NWD1: variants seen among roughly 807,000 people sequenced by gnomAD.
NWD1 encodes NACHT domain- and WD repeat-containing protein 1.
In NWD1, 129 loss-of-function variants were observed where a neutral mutation model predicts 135.1. The ratio of observed to expected loss-of-function variants is 0.96; its 90% CI spans 0.83 to 1.11. The LOEUF is 1.11. Among genes scored for constraint, NWD1 ranks in the 50% least tolerant of loss-of-function variants. NWD1 has a pLI of 0.00. For synonymous variants in NWD1, 773 were observed against 786.0 expected (o/e 0.98, Z 0.28); for missense variants, 1,740 against 1,851.3 (o/e 0.94, Z 1.10).
Position 16,744,595 on chromosome 19 carries a change from G to C in NWD1, c.373G>C (p.Gly125Arg). The C allele has an allele frequency of 6.5e-7, 1 of 1,535,012 alleles. No individual in the cohort carries two copies. The change falls in exon 5 of 19, where the codon GGT becomes CGT. Residue 125 changes from glycine (G) to arginine (R), a missense_variant. Physicochemically the swap from Gly to Arg is moderately radical, Grantham distance 125. Coordinates refer to ENST00000524140, the MANE Select transcript of NWD1 (RefSeq NM_001007525.5). ...TCCCACCTACGTCCTGCAGGCACCA[G>C]GTACTGGGGAGGCCTGTGAACCAGA... Reference protein sequence around the residue: ...FPPTYVLQAPGTGEACEPEEA... With the variant: ...FPPTYVLQAPRTGEACEPEEA...
intron 15 of NWD1, among the ~76,000 whole-genome samples, chr19:16,796,209 C>G (rs1970412687): frequency 6.6e-6 from 1 of 151,990 alleles, no homozygotes; most frequent in African/African-American, 2.4e-5. Context: ...CTTTGGGAGG[C>G]CAAGGTGGGC....
intron 3 of NWD1, among the ~76,000 whole-genome samples, chr19:16,734,010 T>A (rs1179485788): frequency 2.0e-5 from 3 of 152,086 alleles, no homozygotes. Flanking sequence ...GTTGTCTTTG[T>A]CTCCCTGTCA....
At chr19:16,765,249 A>G in intron 10 of NWD1, 57 bp downstream of exon 10, 2 of 1,505,824 alleles carry the variant, frequency 1.3e-6, no homozygotes, top group Non-Finnish European at 1.8e-6. Flanking sequence ...TTCTAGAAAC[A>G]TGCTCTCCTC....
chr19:16,809,750 G>A (rs1970866412), intron 18 of NWD1, among the ~76,000 whole-genome samples: 2 of 151,294 alleles, frequency 1.3e-5, no homozygotes, highest in Admixed American at 6.6e-5. Flanking sequence ...GTAGAGATGG[G>A]GTTTCACCGT....
chr19:16,802,532 T>A (rs1427976430), intron 17 of NWD1, among the ~76,000 whole-genome samples: 1 of 148,278 alleles, frequency 6.7e-6, no homozygotes, highest in Non-Finnish European at 1.5e-5. Context: ...CCGTATGACC[T>A]CTGCACACCC....
intron 7 of NWD1, among the ~76,000 whole-genome samples, chr19:16,759,767 G>A (rs1968937183): frequency 6.6e-6 from 1 of 152,114 alleles, no homozygotes; most frequent in Non-Finnish European, 1.5e-5. Context: ...GGCTGAGGTG[G>A]CGGATCACCT....
chr19:16,785,584 A>G (rs1455968420), intron 12 of NWD1, among the ~76,000 whole-genome samples: 1 of 151,126 alleles, frequency 6.6e-6, no homozygotes, highest in Non-Finnish European at 1.5e-5. Flanking sequence ...AAAAAAGAGG[A>G]TGACTGTTTT....
At chr19:16,724,583 C>T (rs778784510) in intron 2 of NWD1, 120 bp downstream of exon 2, 4 of 152,150 alleles carry the variant, frequency 2.6e-5, no homozygotes, top group Non-Finnish European at 4.4e-5. Context: ...CGTGGGGCCT[C>T]ACACCTGTAA....
intron 4 of NWD1, among the ~76,000 whole-genome samples, chr19:16,743,466 C>G (rs984703452): frequency 5.3e-5 from 8 of 151,998 alleles, no homozygotes; most frequent in African/African-American, 1.9e-4. Context: ...CCTTGGCCTC[C>G]CAAAGTGTTG....
chr19:16,730,332 T>C (rs577442476), intron 2 of NWD1, among the ~76,000 whole-genome samples: 124 of 150,516 alleles, frequency 8.2e-4, no homozygotes, highest in African/African-American at 2.9e-3. Flanking sequence ...AAAAACAAAC[T>C]AACAAAAAAA....
rs1350064434 is a variant in NWD1 at position 16,749,774 on chromosome 19, A to C, written c.1132A>C (p.Met378Leu). The change falls in exon 6 of 19, where the codon ATG becomes CTG. Residue 378 changes from methionine (M) to leucine (L), a missense_variant. Transcript: ENST00000524140. ...TVLRLLGTSQ[M>L]SSDARGLLKS... ...CCTGCGGCTGCTGGGGACGTCACAA[A>C]TGAGCTCAGATGCCCGTGGCCTGCT... 1 of 1,606,658 alleles carries C rather than the reference A, an allele frequency of 6.2e-7. No individual in the cohort carries two copies. The highest frequency in any genetic ancestry group is 8.5e-7 in the Non-Finnish European group (1 of 1,175,974).
At position 16,783,384 on chromosome 19, in the gene NWD1, C is replaced by G. The variant is rs1385452241; in HGVS notation, c.2731+3919C>G. On this transcript the variant is annotated intron_variant, in intron 12 of 18. Transcript: ENST00000524140. ...GAACGGTGGCTCATGCCTGTAATCC[C>G]AGCACTTTGGGAGGCCGAGGTGGGT... 5.3e-5 allele frequency among the ~76,000 whole-genome samples: 8 copies of G among 152,060 alleles called. No homozygotes were observed. The South Asian group carries it at 6.2e-4, about 12-fold the overall frequency.
intron 2 of NWD1, chr19:16,727,734 G>T (rs1811534947): frequency 6.5e-6 from 1 of 153,240 alleles, no homozygotes; most frequent in Admixed American, 6.5e-5. Flanking sequence ...GCGGTGTCAG[G>T]GCAATGGGCA....
At chr19:16,792,379 T>C (rs962576066) in intron 14 of NWD1, among the ~76,000 whole-genome samples, 5 of 151,690 alleles carry the variant, frequency 3.3e-5, no homozygotes, top group African/African-American at 9.7e-5. Flanking sequence ...CTGTCTTTAC[T>C]AAAAGTACAA....
chr19:16,742,199 AC>A (rs957392239), intron 4 of NWD1, among the ~76,000 whole-genome samples: 1 of 151,826 alleles, frequency 6.6e-6, no homozygotes, highest in Non-Finnish European at 1.5e-5. Flanking sequence ...ACATGGCGAA[AC>A]CCTGTCTCTA....
Position 16,749,367 on chromosome 19 carries a change from A to G in NWD1, c.725A>G (p.His242Arg). 1 of 1,613,584 alleles carries G rather than the reference A, an allele frequency of 6.2e-7. No homozygotes were observed. Among genetic ancestry groups the G allele is most frequent in the Non-Finnish European group, 8.5e-7 (1 of 1,179,724 alleles). ...ATGCACCCAGGGGTCCTCAAGACCC[A>G]CCGCCTGCCGTGGAGCCGCGACTTG... ...TDMHPGVLKT[H>R]RLPWSRDLVN... Residue 242 changes from histidine (H) to arginine (R), a missense_variant, in exon 6 of 19, where the codon CAC becomes CGC. Transcript: ENST00000524140.
At chr19:16,733,668 G>A (rs1243688886) in intron 3 of NWD1, among the ~76,000 whole-genome samples, 3 of 152,148 alleles carry the variant, frequency 2.0e-5, no homozygotes, top group African/African-American at 7.2e-5. Context: ...ATGAGACATA[G>A]TTCAATGTCA....
In NWD1 at chr19:16,731,189, C is replaced by G. The variant is rs1438155836; in HGVS notation, c.-6-3C>G. The G allele has an allele frequency of 4.0e-6, 6 of 1,510,028 alleles. No homozygotes were observed. Among genetic ancestry groups the G allele is most frequent in the Non-Finnish European group, 4.5e-6 (5 of 1,123,294 alleles). 93.5% of individuals were successfully genotyped at this position (1,510,028 alleles called of 1,614,324 possible). A position where few individuals can be genotyped will look rare whatever the true frequency, so the allele number is the denominator to read the frequency against. On this transcript the variant is annotated splice_region_variant and splice_polypyrimidine_tract_variant and intron_variant, in intron 2 of 18. Transcript: ENST00000524140. ...CTAATACCCTCCATGCCCTTCCTTG[C>G]AGATATGGATGCAGAGAGGGAAGCC...
At chr19:16,770,421 C>A (rs558574850) in intron 10 of NWD1, among the ~76,000 whole-genome samples, 1 of 152,294 alleles carries the variant, frequency 6.6e-6, no homozygotes, top group African/African-American at 2.4e-5. Flanking sequence ...GAGGCCTCCC[C>A]AGCCCTGCAG....
Sources: gnomAD v4.1 joint callset for allele counts (sites outside exome capture counted in the v4.1 genomes callset) on GRCh38, gnomAD v4.1.1 for gene constraint, MANE v1.5 for transcripts, NCBI Gene and HGNC (gene_info 2026-07-23, HGNC 2026-07-21) for gene names.